COL14A1: variants seen among roughly 807,000 people sequenced by gnomAD.
COL14A1 encodes the protein collagen alpha-1(XIV) chain.
Under a neutral mutation model 230.3 loss-of-function variants are expected in COL14A1, and 136 were observed. The observed-to-expected ratio is 0.59, with a 90% CI of 0.51 to 0.68. The LOEUF (loss-of-function observed/expected upper bound fraction) is 0.68, where lower values mean the gene tolerates loss of function less well. Among genes scored for constraint, COL14A1 ranks in the 30% least tolerant of loss-of-function variants. The probability of loss-of-function intolerance (pLI) is 0.00; values close to 1 mark genes in which losing one functional copy is unlikely to be tolerated. For synonymous variants in COL14A1, 792 were observed against 784.1 expected, an observed-to-expected ratio of 1.01 and a Z score of -0.17; for missense variants, 1,976 against 2,215.8, an observed-to-expected ratio of 0.89 and a Z score of 2.17.
chr8:120,195,771 T>TA lies in COL14A1; in HGVS notation c.437-1018dup, dbSNP rs1173456597. 2.0e-5 allele frequency among the ~76,000 whole-genome samples: 3 copies of TA among 152,194 alleles called. No individual in the cohort carries two copies. The East Asian group carries it at 5.8e-4, about 29-fold the overall frequency. Reference sequence around the variant, plus strand: ...ATGGGAAATACCTGCCCCCATTATTTAATTACCTCCCACTGCATCCCTCCC... The same window carrying TA: ...ATGGGAAATACCTGCCCCCATTATTTAAATTACCTCCCACTGCATCCCTCCC... On this transcript the variant is annotated intron_variant, in intron 5 of 47. Transcript: ENST00000297848.
Position 120,209,672 on chromosome 8 carries a change from G to A in COL14A1, c.1322-84G>A, listed in dbSNP as rs1239461393. On this transcript the variant is annotated intron_variant, in intron 11 of 47. Coordinates refer to ENST00000297848, the MANE Select transcript of COL14A1 (RefSeq NM_021110.4). ...CCCTTTCTCCCTTCCCCTCAAATATGGTCAATCTTATTTCTTGATAATTTC... is the reference window on the plus strand; with the variant it reads ...CCCTTTCTCCCTTCCCCTCAAATATAGTCAATCTTATTTCTTGATAATTTC... 9.6e-6 allele frequency: 13 copies of A among 1,359,314 alleles called. No homozygotes were observed. The East Asian group carries it at 3.1e-4, about 33-fold the overall frequency. The allele number at this position is 1,359,314 out of a possible 1,614,324, so 84.2% of individuals were successfully genotyped here. A position where few individuals can be genotyped will look rare whatever the true frequency, so the allele number is the denominator to read the frequency against.
At chr8:120,187,471 A>G (rs1816685882) in intron 5 of COL14A1, among the ~76,000 whole-genome samples, 1 of 152,186 alleles carries the variant, frequency 6.6e-6, no homozygotes, top group Admixed American at 6.5e-5. Context: ...AGAAGTTGGG[A>G]GCTTTGTTGT....
rs748120381 is a variant in COL14A1 at position 120,203,854 on chromosome 8, G to A, written c.1023G>A (p.Gln341=). 19 of 1,613,546 alleles carry A rather than the reference G, an allele frequency of 1.2e-5. No homozygotes were observed. In the Middle Eastern group the frequency reaches 4.9e-4, roughly 42 times the overall value. The change falls in exon 9 of 48, where the codon CAG becomes CAA. Residue 341 remains glutamine (Q), a synonymous_variant. Coordinates refer to ENST00000297848, the MANE Select transcript of COL14A1 (RefSeq NM_021110.4). ...TRTLCSRVEE[Q]DREIKASAHA... is the part of the protein sequence containing the mutation. ...CTCTCTGCTCTAGAGTGGAAGAACA[G>A]GACAGAGAAATTAAAGGTAAAATGA... is the stretch of plus-strand genomic sequence containing the variant.
At chr8:120,160,398 A>G (rs1815623561) in intron 3 of COL14A1, among the ~76,000 whole-genome samples, 1 of 152,150 alleles carries the variant, frequency 6.6e-6, no homozygotes, top group Admixed American at 6.5e-5. Context: ...CCAAACTATT[A>G]AGTACCCCCA....
chr8:120,333,547 A>C (rs946571120), intron 42 of COL14A1, among the ~76,000 whole-genome samples: 1 of 152,270 alleles, frequency 6.6e-6, no homozygotes, highest in African/African-American at 2.4e-5. Flanking sequence ...GAATGTGTGG[A>C]GCAGTGAAAT....
intron 5 of COL14A1, among the ~76,000 whole-genome samples, chr8:120,181,806 G>A (rs1039004256): frequency 3.4e-4 from 51 of 151,856 alleles, no homozygotes; most frequent in African/African-American, 1.1e-3. Context: ...ACAAAAATTA[G>A]CCAGGCATGG....
chr8:120,212,345 C>A, intron 12 of COL14A1, 103 bp from the exon 13 acceptor site: 1 of 1,159,660 alleles, frequency 8.6e-7, no homozygotes, highest in Non-Finnish European at 1.2e-6. Context: ...TGTAACAGGA[C>A]GTAAAGTCTT....
chr8:120,210,724 C>G (rs1003619526), intron 12 of COL14A1, among the ~76,000 whole-genome samples: 8 of 152,180 alleles, frequency 5.3e-5, no homozygotes, highest in African/African-American at 1.7e-4. Context: ...AGTTAATAAG[C>G]AAAGCAATTC....
chr8:120,363,370 A>T (rs373983669), intron 45 of COL14A1, among the ~76,000 whole-genome samples: 1 of 152,140 alleles, frequency 6.6e-6, no homozygotes, highest in Non-Finnish European at 1.5e-5. Context: ...AGTGGGAGCA[A>T]TGAGAACACA....
intron 37 of COL14A1, 23 bp from the exon 38 acceptor site, chr8:120,313,909 G>A (rs758569684): frequency 6.6e-6 from 10 of 1,515,682 alleles, no homozygotes; most frequent in Non-Finnish European, 7.3e-6. Context: ...CTTTTAGGAT[G>A]ATACTTCTCT....
At chr8:120,239,224 T>C (rs1818544122) in intron 19 of COL14A1, among the ~76,000 whole-genome samples, 2 of 152,254 alleles carry the variant, frequency 1.3e-5, no homozygotes, top group Non-Finnish European at 2.9e-5. Flanking sequence ...AACTCCAGTA[T>C]GCATCCAGAA....
At chr8:120,356,993 A>T (rs1823010347) in intron 45 of COL14A1, among the ~76,000 whole-genome samples, 1 of 124,360 alleles carries the variant, frequency 8.0e-6, no homozygotes, top group African/African-American at 3.0e-5. Context: ...ATCATCTTTT[A>T]TTGATTTTTT....
chr8:120,370,344 C>G, intron 47 of COL14A1: 4 of 1,611,960 alleles, frequency 2.5e-6, no homozygotes, highest in East Asian at 2.2e-5. Context: ...AGATCTGATC[C>G]CCTACAATGA....
chr8:120,252,057 T>C (rs952270768), intron 22 of COL14A1, among the ~76,000 whole-genome samples: 4 of 152,206 alleles, frequency 2.6e-5, no homozygotes, highest in African/African-American at 9.7e-5. Flanking sequence ...AAGGTGTAGA[T>C]ACATAGATCT....
intron 42 of COL14A1, among the ~76,000 whole-genome samples, chr8:120,338,246 T>C (rs1213460451): frequency 6.6e-6 from 1 of 152,230 alleles, no homozygotes; most frequent in Non-Finnish European, 1.5e-5. Flanking sequence ...GAGTTAGTCC[T>C]TAGGCATGGT....
At position 120,367,219 on chromosome 8, in the gene COL14A1, A is replaced by C. The variant is rs747039467; in HGVS notation, c.5126A>C (p.Gln1709Pro). The part of the protein sequence containing the change: ...GEKGNPGVGT[Q>P]GPRGPPGPAG... ...AAAGGAAATCCAGGCGTTGGAACCC[A>C]AGGTCCAAGAGGCCCCCCTGGACCA... Residue 1709 changes from glutamine (Q) to proline (P), a missense_variant, in exon 46 of 48, where the codon CAA (glutamine) becomes CCA (proline). Around this residue, in one of 3 missense-constraint regions of COL14A1, gnomAD observed 1,791 missense variants for 2,019.5 expected, o/e 0.89. Transcript: ENST00000297848. 1.2e-6 allele frequency: 2 copies of C among 1,613,710 alleles called. No individual in the cohort carries two copies. The highest frequency in any genetic ancestry group is 1.7e-6 in the Non-Finnish European group (2 of 1,179,810).
Position 120,208,218 on chromosome 8 carries a change from T to C in COL14A1, c.1192-14T>C. 6.3e-7 allele frequency: 1 copy of C among 1,596,568 alleles called. No individual in the cohort carries two copies. The highest frequency in any genetic ancestry group is 2.2e-5 in the East Asian group (1 of 44,568). ...TATTCCATACTCTCATTACTCAAAC[T>C]GTTCTTTAAACAGGTGGTGGTAGAT... is the stretch of plus-strand genomic sequence containing the variant. On this transcript the variant is annotated splice_polypyrimidine_tract_variant and intron_variant, in intron 10 of 47. Coordinates refer to ENST00000297848, the MANE Select transcript of COL14A1 (RefSeq NM_021110.4).
intron 45 of COL14A1, among the ~76,000 whole-genome samples, chr8:120,348,555 A>T (rs1222467925): frequency 6.6e-6 from 1 of 152,152 alleles, no homozygotes; most frequent in Non-Finnish European, 1.5e-5. Flanking sequence ...TGGGTGAGGG[A>T]TAAAAGTCTA....
At chr8:120,316,063 C>A in intron 40 of COL14A1, 66 bp downstream of exon 40, 2 of 1,520,320 alleles carry the variant, frequency 1.3e-6, no homozygotes, top group Non-Finnish European at 9.1e-7. Flanking sequence ...ACTCTTATTG[C>A]TGACAGGCTT....
Sources: gnomAD v4.1 joint callset for allele counts (sites outside exome capture counted in the v4.1 genomes callset) on GRCh38, gnomAD v4.1.1 for gene constraint, gnomAD v4.1.1 regional missense constraint, MANE v1.5 for transcripts, NCBI Gene and HGNC (gene_info 2026-07-23, HGNC 2026-07-21) for gene names.